Variants in ACTR3B observed in about 807,000 individuals in gnomAD.
ACTR3B encodes actin-related protein 3B.
A neutral mutation model predicts 59.0 loss-of-function variants in ACTR3B; 8 were observed. That is an observed-to-expected ratio of 0.14 (90% confidence interval 0.08 to 0.24). The LOEUF (loss-of-function observed/expected upper bound fraction) is 0.24. ACTR3B is among the 10% of genes least tolerant of loss of function. The pLI is 1.00. For missense variants in ACTR3B, 245 were observed against 552.3 expected, an observed-to-expected ratio of 0.44 and a Z score of 5.58; for synonymous variants, 148 against 197.9, an observed-to-expected ratio of 0.75 and a Z score of 2.12.
At chr7:152,818,717 G>C (rs1795912857) in intron 6 of ACTR3B, among the ~76,000 whole-genome samples, 1 of 152,236 alleles carries the variant, frequency 6.6e-6, no homozygotes, top group South Asian at 2.1e-4. Context: ...CCAAGGTGCT[G>C]GGATTACAGG....
intron 9 of ACTR3B, among the ~76,000 whole-genome samples, chr7:152,834,626 C>T (rs1024213013): frequency 1.2e-4 from 18 of 152,148 alleles, no homozygotes; most frequent in Admixed American, 4.6e-4. Flanking sequence ...TGTAATGAGG[C>T]CTGATGCTCC....
At chr7:152,797,942 G>A (rs922614898) in intron 2 of ACTR3B, among the ~76,000 whole-genome samples, 1 of 152,082 alleles carries the variant, frequency 6.6e-6, no homozygotes. Context: ...CCCGTTAATG[G>A]ACACGTAGGT....
intron 4 of ACTR3B, among the ~76,000 whole-genome samples, chr7:152,810,226 C>T (rs377119164): frequency 6.6e-6 from 1 of 152,092 alleles, no homozygotes; most frequent in African/African-American, 2.4e-5. Context: ...GCTGCCTCAG[C>T]CACCCGACTG....
intron 9 of ACTR3B, among the ~76,000 whole-genome samples, chr7:152,835,989 G>T (rs570351433): frequency 1.3e-5 from 2 of 148,202 alleles, no homozygotes; most frequent in African/African-American, 2.5e-5. Flanking sequence ...GGGGCTTTGC[G>T]CTCTCACAGA....
At chr7:152,821,163 G>C (rs1436112588) in intron 7 of ACTR3B, among the ~76,000 whole-genome samples, 2 of 152,046 alleles carry the variant, frequency 1.3e-5, no homozygotes, top group African/African-American at 2.4e-5. Flanking sequence ...GGGAAGACGT[G>C]GTCCCTTCCA....
At chr7:152,829,073 C>A (rs919057593) in intron 9 of ACTR3B, among the ~76,000 whole-genome samples, 1 of 151,198 alleles carries the variant, frequency 6.6e-6, no homozygotes, top group African/African-American at 2.4e-5. Flanking sequence ...CACACACACA[C>A]ATCAAGAGCA....
At chr7:152,846,305 G>A (rs561705985) in intron 9 of ACTR3B, among the ~76,000 whole-genome samples, 8 of 148,400 alleles carry the variant, frequency 5.4e-5, no homozygotes, top group African/African-American at 1.8e-4. Flanking sequence ...TCTAGTGCCT[G>A]GGCTGCAGTC....
In ACTR3B at chr7:152,800,591, G is replaced by A. The variant is rs1487573316; in HGVS notation, c.161G>A (p.Gly54Glu). Reference protein sequence around the residue: ...VDQAQRRVLRGVDDLDFFIGD... With the variant: ...VDQAQRRVLREVDDLDFFIGD... ...CAAGCTCAAAGGAGAGTGTTGAGGG[G>A]AGTTGATGACCTTGACTTTTTCATA... The change falls in exon 3 of 12, where the codon GGA becomes GAA. Residue 54 changes from glycine (G) to glutamate (E), a missense_variant. By Grantham distance (98) the Gly-to-Glu change is moderately conservative. Around this residue, in one of 7 missense-constraint regions of ACTR3B, gnomAD observed 11 missense variants for 82.1 expected, o/e 0.13. Coordinates refer to ENST00000256001, the MANE Select transcript of ACTR3B (RefSeq NM_020445.6). 1 of 1,613,984 alleles carries A rather than the reference G, an allele frequency of 6.2e-7. No individual in the cohort carries two copies. The highest frequency in any genetic ancestry group is 8.5e-7 in the Non-Finnish European group (1 of 1,180,002).
intron 9 of ACTR3B, among the ~76,000 whole-genome samples, chr7:152,845,983 T>G (rs566727866): frequency 7.0e-4 from 107 of 152,392 alleles, no homozygotes; most frequent in African/African-American, 2.5e-3. Flanking sequence ...TTCAAATGAT[T>G]GTTATAAAGA....
intron 1 of ACTR3B, among the ~76,000 whole-genome samples, chr7:152,763,454 T>G (rs1291483652): frequency 2.6e-5 from 4 of 151,762 alleles, no homozygotes; most frequent in Admixed American, 2.0e-4. Context: ...GACAGAATCT[T>G]GTTCTGTTTC....
At chr7:152,785,300 A>G (rs1343460222) in intron 2 of ACTR3B, among the ~76,000 whole-genome samples, 2 of 143,130 alleles carry the variant, frequency 1.4e-5, no homozygotes, top group South Asian at 2.4e-4. Flanking sequence ...TAGCAGTCGC[A>G]GAAGCTAGGA....
chr7:152,789,064 A>AACAACAAC (rs374527960), intron 2 of ACTR3B, among the ~76,000 whole-genome samples: 2,588 of 136,648 alleles, frequency 0.019, 61 homozygotes, highest in African/African-American at 0.068. Flanking sequence ...CAGCAACAAC[A>AACAACAAC]AACAACAACA....
intron 4 of ACTR3B, among the ~76,000 whole-genome samples, chr7:152,804,568 G>C (rs2098246559): frequency 6.6e-6 from 1 of 152,180 alleles, no homozygotes; most frequent in Admixed American, 6.5e-5. Context: ...TGCCTCCGAG[G>C]AGGGCGTAGG....
intron 4 of ACTR3B, among the ~76,000 whole-genome samples, chr7:152,805,999 T>C (rs2098251111): frequency 6.6e-6 from 1 of 152,224 alleles, no homozygotes; most frequent in South Asian, 2.1e-4. Context: ...ATTTTACCAT[T>C]GTTATGAATA....
At chr7:152,810,931 A>G (rs990880661) in intron 4 of ACTR3B, 1 of 151,828 alleles carries the variant, frequency 6.6e-6, no homozygotes, top group Non-Finnish European at 1.5e-5. Flanking sequence ...AGTTTTCATT[A>G]CAAATTGTTG....
At chr7:152,781,725 A>C (rs1376354387) in intron 1 of ACTR3B, among the ~76,000 whole-genome samples, 2 of 152,008 alleles carry the variant, frequency 1.3e-5, no homozygotes, top group African/African-American at 4.8e-5. Context: ...TAAAATTGGG[A>C]AGGATCTGGA....
intron 9 of ACTR3B, among the ~76,000 whole-genome samples, chr7:152,841,897 A>T (rs536330271): frequency 6.6e-6 from 1 of 152,356 alleles, no homozygotes; most frequent in Non-Finnish European, 1.5e-5. Flanking sequence ...CAACTTTGAG[A>T]TATAATTTAT....
At chr7:152,818,486 T>A (rs1400203285) in intron 6 of ACTR3B, among the ~76,000 whole-genome samples, 1 of 152,114 alleles carries the variant, frequency 6.6e-6, no homozygotes, top group Non-Finnish European at 1.5e-5. Flanking sequence ...GTTTCACTCT[T>A]GTTGTCCAGG....
At chr7:152,809,479 G>T (rs1337082062) in intron 4 of ACTR3B, among the ~76,000 whole-genome samples, 4 of 152,034 alleles carry the variant, frequency 2.6e-5, no homozygotes, top group South Asian at 2.1e-4. Flanking sequence ...GATTGTTCAT[G>T]TTCCAGGGGT....
Sources: gnomAD v4.1 joint callset for allele counts (sites outside exome capture counted in the v4.1 genomes callset) on GRCh38, gnomAD v4.1.1 for gene constraint, gnomAD v4.1.1 regional missense constraint, MANE v1.5 for transcripts, NCBI Gene and HGNC (gene_info 2026-07-23, HGNC 2026-07-21) for gene names.